TSNARE1: variants seen among roughly 807,000 people sequenced by gnomAD.
TSNARE1 encodes t-SNARE domain-containing protein 1.
A neutral mutation model predicts 62.0 loss-of-function variants in TSNARE1; 49 were observed. The observed-to-expected ratio is 0.79, with a 90% CI of 0.63 to 1.00. TSNARE1 has a LOEUF of 1.00. TSNARE1 is among the 50% of genes least tolerant of loss of function. TSNARE1 has a pLI of 0.00. For missense variants in TSNARE1, 755 were observed against 700.1 expected (o/e 1.08, Z -0.88); for synonymous variants, 328 against 294.4 (o/e 1.11, Z -1.17).
intron 11 of TSNARE1, among the ~76,000 whole-genome samples, chr8:142,281,544 G>A (rs1400687307): frequency 6.6e-6 from 1 of 151,930 alleles, no homozygotes; most frequent in African/African-American, 2.4e-5. Flanking sequence ...GGACATGAGA[G>A]ACTCTGGCTC....
chr8:142,273,804 C>T (rs767380952), intron 12 of TSNARE1: 1 of 985,272 alleles, frequency 1.0e-6, no homozygotes, highest in Non-Finnish European at 1.2e-6. Context: ...AGCTGCGGCC[C>T]CCTTTTCCTC....
chr8:142,248,539 G>A (rs1380137756), intron 12 of TSNARE1, among the ~76,000 whole-genome samples: 2 of 152,258 alleles, frequency 1.3e-5, no homozygotes, highest in Non-Finnish European at 2.9e-5. Context: ...ACGGCAGGAA[G>A]TGCTTCCCAA....
chr8:142,299,683 A>G (rs959792416), intron 10 of TSNARE1, among the ~76,000 whole-genome samples: 2 of 151,472 alleles, frequency 1.3e-5, no homozygotes, highest in African/African-American at 2.4e-5. Flanking sequence ...ACTCACATGC[A>G]TCACACGCAT....
At chr8:142,230,990 ACCATCCATCCATCTACCCACCTCT>A (rs1169465404) in intron 12 of TSNARE1, among the ~76,000 whole-genome samples, 2 of 144,914 alleles carry the variant, frequency 1.4e-5, no homozygotes. Flanking sequence ...CATCCATTCA[ACCATCCATCCATCTACCCACCTCT>A]CCATCCATCC....
intron 1 of TSNARE1, among the ~76,000 whole-genome samples, chr8:142,365,721 T>C (rs1332904610): frequency 2.0e-5 from 3 of 152,218 alleles, no homozygotes; most frequent in Non-Finnish European, 4.4e-5. Flanking sequence ...CAACAAGTTT[T>C]CCTGTTAATC....
chr8:142,277,902 C>G (rs1181159413), intron 11 of TSNARE1: 47 of 985,292 alleles, frequency 4.8e-5, no homozygotes, highest in Admixed American at 6.1e-5. Flanking sequence ...CCCTGCCAGG[C>G]CCCTCCTTCT....
At chr8:142,245,467 C>T (rs1489229738) in intron 12 of TSNARE1, among the ~76,000 whole-genome samples, 1 of 152,192 alleles carries the variant, frequency 6.6e-6, no homozygotes. Context: ...CACACAATGT[C>T]ATCTTCTGCA....
In TSNARE1 at chr8:142,301,946, T is replaced by C. The variant is rs140971950; in HGVS notation, c.1132-1302A>G. ...CAGACACACATCAAGGTTCGGTGAG[T>C]GCAAGGACAAGGCGACAGCGGTGGG... On this transcript the variant is annotated intron_variant, in intron 9 of 13. Coordinates refer to ENST00000524325, the MANE Select transcript of TSNARE1 (RefSeq NM_145003.5). 3.6e-3 allele frequency among the ~76,000 whole-genome samples: 549 copies of C among 152,194 alleles called. 2 individuals carry two copies. Among genetic ancestry groups the C allele is most frequent in the African/African-American group, 0.012 (519 of 41,532 alleles).
chr8:142,259,084 C>T (rs958030528), intron 12 of TSNARE1, among the ~76,000 whole-genome samples: 7 of 152,210 alleles, frequency 4.6e-5, no homozygotes, highest in African/African-American at 1.7e-4. Flanking sequence ...CCACCTTGAA[C>T]CCAGGTCTGT....
intron 8 of TSNARE1, 129 bp downstream of exon 8, chr8:142,314,874 C>T (rs750439829): frequency 2.3e-6 from 2 of 861,194 alleles, no homozygotes; most frequent in Non-Finnish European, 3.8e-6. Flanking sequence ...CAAGAACAAC[C>T]CTCTTCTCTG....
At chr8:142,278,331 A>G (rs1050804889) in intron 11 of TSNARE1, 1 of 985,408 alleles carries the variant, frequency 1.0e-6, no homozygotes, top group Middle Eastern at 5.2e-4. Context: ...AAGTTCTGCC[A>G]TGGCTGCCAC....
chr8:142,270,955 T>A, intron 12 of TSNARE1: 8 of 985,368 alleles, frequency 8.1e-6, no homozygotes, highest in Non-Finnish European at 9.6e-6. Flanking sequence ...ATCCTTCCGG[T>A]CTCCTGGACT....
chr8:142,351,720 A>C (rs980349504), intron 2 of TSNARE1, among the ~76,000 whole-genome samples: 1 of 152,242 alleles, frequency 6.6e-6, no homozygotes, highest in African/African-American at 2.4e-5. Flanking sequence ...TAGCAAAACT[A>C]TAGAAATTAA....
chr8:142,300,647 G>A lies in TSNARE1; in HGVS notation c.1132-3C>T, dbSNP rs1420072282. On this transcript the variant is annotated splice_polypyrimidine_tract_variant and splice_region_variant and intron_variant, in intron 9 of 13. Transcript: ENST00000524325. ...TCGGCAAACGGGGCCTGGGGACTCT[G>A]CTGATGACAGACAGATCTTGTTAGC... 2 of 1,611,606 alleles carry A rather than the reference G, an allele frequency of 1.2e-6. No individual in the cohort carries two copies. The highest frequency in any genetic ancestry group is 1.7e-6 in the Non-Finnish European group (2 of 1,178,874).
chr8:142,401,722 AG>A (rs1356888888), intron 1 of TSNARE1, among the ~76,000 whole-genome samples: 12 of 152,302 alleles, frequency 7.9e-5, no homozygotes, highest in African/African-American at 2.9e-4. Context: ...GAGGTGACCC[AG>A]CCAAAACTCA....
chr8:142,304,292 C>G, intron 9 of TSNARE1, among the ~76,000 whole-genome samples: 1 of 149,104 alleles, frequency 6.7e-6, no homozygotes, highest in Admixed American at 6.6e-5. Context: ...CTCCTTCCTA[C>G]GGCTCCAGCC....
intron 10 of TSNARE1, 41 bp downstream of exon 10, chr8:142,300,445 G>C: frequency 6.4e-7 from 1 of 1,566,590 alleles, no homozygotes; most frequent in African/African-American, 1.3e-5. Context: ...AGCCTCATGT[G>C]GAGTGTGGAG....
intron 1 of TSNARE1, among the ~76,000 whole-genome samples, chr8:142,386,942 A>T (rs1422063716): frequency 6.6e-6 from 1 of 152,180 alleles, no homozygotes; most frequent in Non-Finnish European, 1.5e-5. Flanking sequence ...CCTAAATAAC[A>T]CAACTAAGGC....
At chr8:142,351,295 T>C (rs1317047851) in intron 2 of TSNARE1, among the ~76,000 whole-genome samples, 2 of 152,208 alleles carry the variant, frequency 1.3e-5, no homozygotes, top group East Asian at 3.8e-4. Context: ...CTGGACTTTG[T>C]TCTTAGAAAA....
Sources: allele counts gnomAD v4.1 joint callset (sites outside exome capture counted in the v4.1 genomes callset), GRCh38; gene constraint gnomAD v4.1.1; transcripts MANE v1.5; gene names NCBI Gene and HGNC (gene_info 2026-07-23, HGNC 2026-07-21).